SOBP: variants seen among roughly 807,000 people sequenced by gnomAD.
SOBP encodes the protein sine oculis-binding protein homolog.
SOBP carries 4 observed loss-of-function variants against 53.6 expected under a neutral mutation model. The observed-to-expected ratio is 0.07, with a 90% CI of 0.04 to 0.17. The LOEUF (loss-of-function observed/expected upper bound fraction) is 0.17, where lower values mean the gene tolerates loss of function less well. Ranked by LOEUF, SOBP falls within the 10% of genes least tolerant of loss-of-function variation. The probability of loss-of-function intolerance (pLI) is 1.00; values close to 1 mark genes in which losing one functional copy is unlikely to be tolerated. For missense variants in SOBP, 1,088 were observed against 1,204.7 expected (o/e 0.90, Z 1.43); for synonymous variants, 584 against 522.6 (o/e 1.12, Z -1.60).
At chr6:107,566,622 C>T (rs1784924729) in intron 4 of SOBP, among the ~76,000 whole-genome samples, 1 of 152,226 alleles carries the variant, frequency 6.6e-6, no homozygotes. Flanking sequence ...TTTTTCTCGC[C>T]ATCGACCAGA....
At chr6:107,579,970 C>A (rs1206787439) in intron 4 of SOBP, among the ~76,000 whole-genome samples, 1 of 152,162 alleles carries the variant, frequency 6.6e-6, no homozygotes, top group Non-Finnish European at 1.5e-5. Flanking sequence ...CTTCTCTGGG[C>A]AAACAGCTTT....
At chr6:107,502,704 A>G (rs879484292) in intron 1 of SOBP, among the ~76,000 whole-genome samples, 16 of 152,190 alleles carry the variant, frequency 1.1e-4, no homozygotes, top group Non-Finnish European at 2.2e-4. Context: ...CTTAGATTTT[A>G]TGGAAAAAGA....
intron 6 of SOBP, among the ~76,000 whole-genome samples, chr6:107,639,438 C>T (rs1250011042): frequency 6.6e-6 from 1 of 152,050 alleles, no homozygotes; most frequent in Non-Finnish European, 1.5e-5. Context: ...ACTATTTTCC[C>T]CAGATGCAGA....
chr6:107,610,018 A>C (rs1332011722), intron 5 of SOBP, among the ~76,000 whole-genome samples: 1 of 152,068 alleles, frequency 6.6e-6, no homozygotes, highest in East Asian at 1.9e-4. Flanking sequence ...ACTTCATAGG[A>C]GCTCATTTAC....
intron 4 of SOBP, among the ~76,000 whole-genome samples, chr6:107,540,989 T>C (rs1320796525): frequency 6.6e-6 from 1 of 152,212 alleles, no homozygotes; most frequent in Non-Finnish European, 1.5e-5. Context: ...AAGAATTATA[T>C]TTGTTCTAAC....
At chr6:107,595,138 T>C (rs1355426632) in intron 5 of SOBP, among the ~76,000 whole-genome samples, 2 of 152,150 alleles carry the variant, frequency 1.3e-5, no homozygotes, top group Non-Finnish European at 2.9e-5. Context: ...TGGGGAATGT[T>C]AGGAAGGGCA....
chr6:107,581,338 A>G (rs748318460), intron 4 of SOBP, among the ~76,000 whole-genome samples: 1 of 152,216 alleles, frequency 6.6e-6, no homozygotes, highest in East Asian at 1.9e-4. Context: ...TAGCTCCACC[A>G]GAAAGAATGG....
chr6:107,531,270 C>T (rs1305809835), intron 3 of SOBP, among the ~76,000 whole-genome samples: 1 of 152,164 alleles, frequency 6.6e-6, no homozygotes, highest in African/African-American at 2.4e-5. Flanking sequence ...ACTGTGAGGC[C>T]AGGTGATTTC....
Position 107,533,577 on chromosome 6 carries a change from G to A in SOBP, c.540G>A (p.Ala180=), listed in dbSNP as rs768954145. Residue 180 remains alanine, a synonymous_variant, in exon 4 of 7, where the codon GCG becomes GCA. Coordinates refer to ENST00000317357, the MANE Select transcript of SOBP (RefSeq NM_018013.4). ...GCTTCTGCAGCGAGAAGTGCTTTGC[G>A]GCCTGCCGACGAGCCTACTTCAAGA... ...VKSFCSEKCF[A]ACRRAYFKRN... is the part of the protein sequence containing the mutation. The A allele has an allele frequency of 2.5e-6, 4 of 1,614,030 alleles. No homozygotes were observed. The highest frequency in any genetic ancestry group is 2.2e-5 in the East Asian group (1 of 44,894).
chr6:107,568,300 G>A (rs1784974548), intron 4 of SOBP, among the ~76,000 whole-genome samples: 1 of 152,156 alleles, frequency 6.6e-6, no homozygotes, highest in African/African-American at 2.4e-5. Context: ...AGTTGCCTGT[G>A]GAGTCCTTAC....
rs755968214 is a variant in SOBP, at chr6:107,533,529, G to C, written c.492G>C (p.Leu164=). 7.4e-6 allele frequency: 12 copies of C among 1,614,156 alleles called. No homozygotes were observed. Among genetic ancestry groups the C allele is most frequent in the Non-Finnish European group, 1.0e-5 (12 of 1,180,004 alleles). ...CQKVGIKRYS[L]SMGSEVKSFC... ...AAGTGGGAATCAAGCGCTATTCCCT[G>C]AGTATGGGAAGTGAGGTGAAAAGCT... The change falls in exon 4 of 7, where the codon CTG becomes CTC. Residue 164 remains leucine, a synonymous_variant. Coordinates refer to ENST00000317357, the MANE Select transcript of SOBP (RefSeq NM_018013.4).
intron 4 of SOBP, among the ~76,000 whole-genome samples, chr6:107,548,218 A>G (rs1784356863): frequency 6.6e-6 from 1 of 151,894 alleles, no homozygotes; most frequent in Non-Finnish European, 1.5e-5. Flanking sequence ...AGAGAAAACC[A>G]TGTACCAATA....
chr6:107,568,256 C>T (rs1784973475), intron 4 of SOBP, among the ~76,000 whole-genome samples: 2 of 152,152 alleles, frequency 1.3e-5, no homozygotes, highest in Admixed American at 1.3e-4. Flanking sequence ...TAAACCTGGA[C>T]AATGCTAGTG....
intron 4 of SOBP, among the ~76,000 whole-genome samples, chr6:107,534,786 G>A (rs1379030090): frequency 6.6e-6 from 1 of 152,178 alleles, no homozygotes; most frequent in African/African-American, 2.4e-5. Flanking sequence ...AAATTGTTTG[G>A]AATTCTTTTG....
At chr6:107,565,377 C>T (rs1784885021) in intron 4 of SOBP, among the ~76,000 whole-genome samples, 1 of 152,168 alleles carries the variant, frequency 6.6e-6, no homozygotes, top group Non-Finnish European at 1.5e-5. Context: ...GTCAGATTGC[C>T]TCAGAGACTG....
chr6:107,536,254 G>A (rs866859920), intron 4 of SOBP, among the ~76,000 whole-genome samples: 23 of 152,304 alleles, frequency 1.5e-4, no homozygotes, highest in African/African-American at 3.4e-4. Flanking sequence ...CAAATTGCAT[G>A]CATAACTTTA....
At chr6:107,599,758 C>T (rs974743947) in intron 5 of SOBP, among the ~76,000 whole-genome samples, 2 of 152,190 alleles carry the variant, frequency 1.3e-5, no homozygotes, top group African/African-American at 4.8e-5. Flanking sequence ...CTTTTTTGTT[C>T]ATATGCTGAT....
intron 4 of SOBP, among the ~76,000 whole-genome samples, chr6:107,573,778 G>A (rs910225891): frequency 6.6e-6 from 1 of 152,034 alleles, no homozygotes; most frequent in Non-Finnish European, 1.5e-5. Context: ...TTTATTTACC[G>A]CCATAAAATT....
intron 3 of SOBP, among the ~76,000 whole-genome samples, chr6:107,532,647 C>G (rs986131304): frequency 2.0e-5 from 3 of 152,124 alleles, no homozygotes; most frequent in Non-Finnish European, 4.4e-5. Flanking sequence ...TGCAAACCAC[C>G]TAAATTCATT....
Sources: allele counts gnomAD v4.1 joint callset (sites outside exome capture counted in the v4.1 genomes callset), GRCh38; gene constraint gnomAD v4.1.1; transcripts MANE v1.5; gene names NCBI Gene and HGNC (gene_info 2026-07-23, HGNC 2026-07-21).